Variants in PPP2R5C observed in about 807,000 individuals in gnomAD.
The protein encoded by PPP2R5C is protein phosphatase 2 regulatory subunit B'gamma.
Under a neutral mutation model 68.9 loss-of-function variants are expected in PPP2R5C, and 7 were observed. The ratio of observed to expected loss-of-function variants is 0.10; its 90% confidence interval spans 0.06 to 0.19. The LOEUF (loss-of-function observed/expected upper bound fraction) is 0.19, where lower values mean the gene tolerates loss of function less well. Among genes scored for constraint, PPP2R5C ranks in the 10% least tolerant of loss-of-function variants. The pLI is 1.00. For synonymous variants in PPP2R5C, 210 were observed against 222.2 expected (o/e 0.95, Z 0.49); for missense variants, 348 against 641.3 (o/e 0.54, Z 4.94).
At chr14:101,814,081 ACACCTGCATGGTG>A (rs1213265123) in intron 1 of PPP2R5C, among the ~76,000 whole-genome samples, 2 of 152,246 alleles carry the variant, frequency 1.3e-5, no homozygotes, top group Admixed American at 6.5e-5. Context: ...AATTAGTAAC[ACACCTGCATGGTG>A]TGAAGTCAGT....
chr14:101,905,216 C>T (rs1226167944), intron 9 of PPP2R5C, among the ~76,000 whole-genome samples: 4 of 152,054 alleles, frequency 2.6e-5, no homozygotes, highest in Non-Finnish European at 5.9e-5. Flanking sequence ...TAGCCAGGTG[C>T]GATGGCGCAT....
At chr14:101,898,585 C>T (rs1417259002) in intron 8 of PPP2R5C, among the ~76,000 whole-genome samples, 1 of 152,136 alleles carries the variant, frequency 6.6e-6, no homozygotes, top group African/African-American at 2.4e-5. Context: ...GACCCCGTGC[C>T]GGCTTCAGTT....
At chr14:101,907,978 A>G (rs1008234334) in intron 10 of PPP2R5C, among the ~76,000 whole-genome samples, 1 of 152,188 alleles carries the variant, frequency 6.6e-6, no homozygotes, top group African/African-American at 2.4e-5. Context: ...CAGAAATTCA[A>G]CAGAGAAGGG....
At chr14:101,819,121 A>T (rs2039890597) in intron 1 of PPP2R5C, 1 of 1,493,702 alleles carries the variant, frequency 6.7e-7, no homozygotes, top group Non-Finnish European at 9.1e-7. Flanking sequence ...GTGTGTTTAC[A>T]TTTGTAGACA....
At chr14:101,806,785 G>C (rs1002389443), upstream of PPP2R5C, among the ~76,000 whole-genome samples, 1 of 151,934 alleles carries the variant, frequency 6.6e-6, no homozygotes, top group Non-Finnish European at 1.5e-5. Context: ...ACATAGTAGA[G>C]ACCTCATCTC....
At position 101,906,085 on chromosome 14, in the gene PPP2R5C, C is replaced by T. The variant is rs935376268; in HGVS notation, c.1024-317C>T. ...CTCTTGACCTGACAGATGGGGGAGG[C>T]GGGTGGATAGGTGGAATGGCCTCCT... On this transcript the variant is annotated intron_variant, in intron 9 of 13. Coordinates refer to ENST00000334743, the Ensembl canonical transcript of PPP2R5C. This position sits in a 1 kb window ranked among gnomAD's most constrained non-coding sequence, Gnocchi z 4.0. 6.6e-6 allele frequency among the ~76,000 whole-genome samples: 1 copy of T among 152,160 alleles called. No homozygotes were observed. Among genetic ancestry groups the T allele is most frequent in the African/African-American group, 2.4e-5 (1 of 41,422 alleles).
intron 2 of PPP2R5C, among the ~76,000 whole-genome samples, chr14:101,768,989 T>C (rs2037010368): frequency 6.6e-6 from 1 of 151,942 alleles, no homozygotes; most frequent in African/African-American, 2.4e-5. Flanking sequence ...CACGCCCGGC[T>C]CATTTTTTGT....
At chr14:101,818,892 C>T (rs1349459927) in intron 1 of PPP2R5C, 2 of 916,712 alleles carry the variant, frequency 2.2e-6, no homozygotes, top group African/African-American at 3.3e-5. Flanking sequence ...CGTTATAATA[C>T]ACATGGATTT....
intron 13 of PPP2R5C, among the ~76,000 whole-genome samples, chr14:101,924,136 T>C (rs1157374850): frequency 6.6e-6 from 1 of 152,220 alleles, no homozygotes; most frequent in Admixed American, 6.5e-5. Flanking sequence ...TTTCAGAATA[T>C]TGGTATTAAC....
Position 101,762,066 on chromosome 14 carries a change from A to C in PPP2R5C, c.27+146A>C, listed in dbSNP as rs1595092989. 12 of 889,906 alleles carry C rather than the reference A, an allele frequency of 1.3e-5. No homozygotes were observed. In the South Asian group the frequency reaches 6.4e-4, roughly 48 times the overall value. The allele number at this position is 889,906 out of a possible 1,614,324, so 55.1% of individuals were successfully genotyped here. On this transcript the variant is annotated intron_variant, in intron 1 of 14. Transcript: ENST00000328724. ...TCGCGTCCCCGAGGGCGGCCGAGCCAGGCATCCCCGGGCTTCTCTCGGCCT... is the reference window on the plus strand; with the variant it reads ...TCGCGTCCCCGAGGGCGGCCGAGCCCGGCATCCCCGGGCTTCTCTCGGCCT...
chr14:101,823,068 A>G (rs1272662081), intron 1 of PPP2R5C, among the ~76,000 whole-genome samples: 2 of 152,230 alleles, frequency 1.3e-5, no homozygotes, highest in African/African-American at 4.8e-5. Flanking sequence ...CTTTAAGTGA[A>G]ATGTAAACTA....
chr14:101,842,802 G>A (rs1357542417), intron 1 of PPP2R5C, among the ~76,000 whole-genome samples: 3 of 136,386 alleles, frequency 2.2e-5, no homozygotes, highest in Non-Finnish European at 4.7e-5. Context: ...GTTTTATTTC[G>A]CATGTATTTT....
intron 2 of PPP2R5C, among the ~76,000 whole-genome samples, chr14:101,857,680 G>T (rs1014546858): frequency 5.3e-4 from 81 of 152,300 alleles, no homozygotes; most frequent in African/African-American, 1.8e-3. Context: ...AAAATTCATT[G>T]TTTGACGCTG....
intron 1 of PPP2R5C, among the ~76,000 whole-genome samples, chr14:101,855,113 T>A (rs996312033): frequency 6.6e-6 from 1 of 152,228 alleles, no homozygotes; most frequent in African/African-American, 2.4e-5. Flanking sequence ...GAGGTTGCAG[T>A]GAGCCAAGAT....
chr14:101,793,319 T>C (rs557571286), intron 3 of PPP2R5C, among the ~76,000 whole-genome samples: 2 of 152,354 alleles, frequency 1.3e-5, no homozygotes, highest in East Asian at 3.9e-4. Context: ...AGGATATAAA[T>C]TTTCTGAATC....
At chr14:101,769,801 C>A (rs1331620968) in intron 2 of PPP2R5C, among the ~76,000 whole-genome samples, 1 of 152,122 alleles carries the variant, frequency 6.6e-6, no homozygotes, top group Non-Finnish European at 1.5e-5. Context: ...TTAATTAAAG[C>A]ACTTCAAAAT....
upstream of PPP2R5C, chr14:101,809,866 GT>G: frequency 6.4e-7 from 1 of 1,559,152 alleles, no homozygotes; most frequent in Non-Finnish European, 8.7e-7. Flanking sequence ...GCTTCAGTTT[GT>G]CTTTTTTTTT....
At chr14:101,760,969 G>GGAGGGGAGGGCAGGGGACGGGCTGGTC (rs2036480030), upstream of PPP2R5C, among the ~76,000 whole-genome samples, 1 of 95,670 alleles carries the variant, frequency 1.0e-5, no homozygotes, top group East Asian at 3.6e-4. Flanking sequence ...CTGGTCGAGG[G>GGAGGGGAGGGCAGGGGACGGGCTGGTC]GAGGGGAGGG....
At chr14:101,872,695 C>G (rs978139859) in intron 2 of PPP2R5C, among the ~76,000 whole-genome samples, 5 of 152,214 alleles carry the variant, frequency 3.3e-5, no homozygotes, top group Non-Finnish European at 7.3e-5. Context: ...CCCTTTCCCC[C>G]TCTGGGAGCT....
Sources: gnomAD v4.1 joint callset for allele counts (sites outside exome capture counted in the v4.1 genomes callset) on GRCh38, gnomAD v4.1.1 for gene constraint, Gnocchi (gnomAD v3.1) non-coding constraint, MANE v1.5 for transcripts, NCBI Gene and HGNC (gene_info 2026-07-23, HGNC 2026-07-21) for gene names.